SEC14L5: variants seen among roughly 807,000 people sequenced by gnomAD.
The protein encoded by SEC14L5 is SEC14-like protein 5.
A neutral mutation model predicts 84.6 loss-of-function variants in SEC14L5; 96 were observed. That is an observed-to-expected ratio of 1.13 (90% CI 0.96 to 1.34). SEC14L5 has a LOEUF of 1.34. Ranked by LOEUF, SEC14L5 falls within the 40% of genes most tolerant of loss-of-function variation. The probability of loss-of-function intolerance (pLI) is 0.00; values close to 1 mark genes in which losing one functional copy is unlikely to be tolerated. For synonymous variants in SEC14L5, 546 were observed against 383.4 expected (o/e 1.42, Z -4.95); for missense variants, 1,224 against 942.5 (o/e 1.30, Z -3.91).
rs369096615 is a variant in SEC14L5 at position 4,991,633 on chromosome 16, C to G, written c.475-205C>G. ...ACTGATTACTGAGCTATTTTGCATT[C>G]TTTGTTTCGTACCAAGCCTTGGAAA... On this transcript the variant is annotated intron_variant, in intron 5 of 15. Coordinates refer to ENST00000251170, the MANE Select transcript of SEC14L5 (RefSeq NM_014692.2). 2.0e-3 allele frequency among the ~76,000 whole-genome samples: 298 copies of G among 152,236 alleles called. 3 individuals carry two copies. Among genetic ancestry groups the G allele is most frequent in the African/African-American group, 6.6e-3 (275 of 41,534 alleles).
At chr16:5,001,798 G>GCT (rs1189254439) in intron 10 of SEC14L5, among the ~76,000 whole-genome samples, 1 of 151,090 alleles carries the variant, frequency 6.6e-6, no homozygotes, top group African/African-American at 2.4e-5. Flanking sequence ...TTTGAGACAG[G>GCT]CTCTCACTCT....
chr16:4,987,476 C>T, intron 2 of SEC14L5, 81 bp from the exon 3 acceptor site: 1 of 1,233,562 alleles, frequency 8.1e-7, no homozygotes, highest in South Asian at 1.4e-5. Context: ...ATAAGTGACA[C>T]AGCAGATAAG....
intron 6 of SEC14L5, among the ~76,000 whole-genome samples, chr16:4,994,269 A>C (rs1237214556): frequency 6.6e-6 from 1 of 152,288 alleles, no homozygotes; most frequent in East Asian, 1.9e-4. Flanking sequence ...CCTAACTCTG[A>C]CACACTTGGG....
Position 5,015,088 on chromosome 16 carries a change from C to T in SEC14L5, c.*118C>T, listed in dbSNP as rs1364721369. 3 of 764,366 alleles carry T rather than the reference C, an allele frequency of 3.9e-6. No individual in the cohort carries two copies. The highest frequency in any genetic ancestry group is 6.3e-6 in the Non-Finnish European group (3 of 473,610). The allele number at this position is 764,366 out of a possible 1,614,324, so 47.3% of individuals were successfully genotyped here. On this transcript the variant is annotated 3_prime_UTR_variant, in exon 16 of 16. Coordinates refer to ENST00000251170, the MANE Select transcript of SEC14L5 (RefSeq NM_014692.2). ...TGGGCTGGAGCCCCAGGCCTAGATG[C>T]TGCCCAAGTTGGGGTGTCTGGAGCG... is the stretch of plus-strand genomic sequence containing the variant.
At chr16:4,984,939 C>G (rs542331023) in intron 2 of SEC14L5, among the ~76,000 whole-genome samples, 1 of 152,112 alleles carries the variant, frequency 6.6e-6, no homozygotes, top group Admixed American at 6.5e-5. Context: ...ATGCAAATCC[C>G]CCATTTTCTA....
At chr16:4,983,923 A>T (rs151331794) in intron 2 of SEC14L5, among the ~76,000 whole-genome samples, 13 of 152,104 alleles carry the variant, frequency 8.5e-5, no homozygotes, top group African/African-American at 3.1e-4. Flanking sequence ...TAAATAGTAT[A>T]TGTATACATG....
chr16:4,999,642 G>A (rs557588183), intron 8 of SEC14L5, among the ~76,000 whole-genome samples: 2 of 150,738 alleles, frequency 1.3e-5, no homozygotes, highest in Non-Finnish European at 3.0e-5. Flanking sequence ...GGCCAGGCAT[G>A]GTGGGCTCAC....
At chr16:4,988,013 G>A (rs1955511727) in intron 3 of SEC14L5, 136 bp from the exon 4 acceptor site, 2 of 944,048 alleles carry the variant, frequency 2.1e-6, no homozygotes, top group African/African-American at 1.6e-5. Flanking sequence ...CTGGGTCCGG[G>A]CTGGGTGGGC....
intron 6 of SEC14L5, among the ~76,000 whole-genome samples, chr16:4,995,948 GA>G (rs762691683): frequency 6.6e-6 from 1 of 152,124 alleles, no homozygotes; most frequent in Non-Finnish European, 1.5e-5. Flanking sequence ...CTAAAGTGGG[GA>G]TAATAGTGAC....
intron 15 of SEC14L5, among the ~76,000 whole-genome samples, 187 bp from the exon 16 acceptor site, chr16:5,014,672 G>A (rs865950777): frequency 8.5e-5 from 13 of 152,250 alleles, no homozygotes; most frequent in Middle Eastern, 3.2e-3. Flanking sequence ...GGCTCCATCT[G>A]GGGAGATGGG....
chr16:5,006,469 G>C (rs1386565235), intron 12 of SEC14L5, among the ~76,000 whole-genome samples: 1 of 152,168 alleles, frequency 6.6e-6, no homozygotes, highest in Non-Finnish European at 1.5e-5. Context: ...CCAACCCACA[G>C]CCACACAGCC....
chr16:5,000,155 G>A (rs1955659019), intron 8 of SEC14L5, among the ~76,000 whole-genome samples: 1 of 151,930 alleles, frequency 6.6e-6, no homozygotes, highest in Non-Finnish European at 1.5e-5. Flanking sequence ...GCCGGGTGCG[G>A]TGGTGGGCGC....
Position 4,996,999 on chromosome 16 carries a change from C to T in SEC14L5, c.925C>T (p.Leu309=), listed in dbSNP as rs1217983758. Residue 309 remains leucine, a synonymous_variant, in exon 8 of 16, where the codon CTG becomes TTG. Coordinates refer to ENST00000251170, the MANE Select transcript of SEC14L5 (RefSeq NM_014692.2). ...CCTTCAGACCTGGCAACCCCCTGCC[C>T]TGCTGGAGGAGTTCTATGCAGGGGG... ...LLLQTWQPPA[L]LEEFYAGGWH... 1.9e-6 allele frequency: 3 copies of T among 1,613,294 alleles called. No homozygotes were observed. The highest frequency in any genetic ancestry group is 3.3e-5 in the Admixed American group (2 of 59,928).
intron 8 of SEC14L5, 51 bp downstream of exon 8, chr16:4,997,095 A>G (rs145265360): frequency 1.5e-6 from 2 of 1,334,358 alleles, no homozygotes; most frequent in African/African-American, 1.5e-5. Context: ...GTCACTGCCA[A>G]ATGCACTTTA....
At chr16:4,961,230 G>A (rs1377949117) in intron 2 of SEC14L5, among the ~76,000 whole-genome samples, 3 of 152,138 alleles carry the variant, frequency 2.0e-5, no homozygotes, top group Admixed American at 6.5e-5. Flanking sequence ...CCGAGATTGC[G>A]CCGCAACACT....
Position 5,013,550 on chromosome 16 carries a change from C to CTTTTT in SEC14L5, c.1980-1288_1980-1284dup, listed in dbSNP as rs869041446. The stretch of plus-strand genomic sequence containing the variant: ...TATAGGCATGGGCTAGCTTGCCTGG[C>CTTTTT]TTTTTTTTTTTTTTTTTTTTTTTTT... On this transcript the variant is annotated intron_variant, in intron 15 of 15. Coordinates refer to ENST00000251170, the MANE Select transcript of SEC14L5 (RefSeq NM_014692.2). 8.0e-3 allele frequency among the ~76,000 whole-genome samples: 359 copies of CTTTTT among 44,970 alleles called. 35 individuals carry two copies. Among genetic ancestry groups the CTTTTT allele is most frequent in the East Asian group, 0.034 (47 of 1,396 alleles). The allele number at this position is 44,970 out of a possible 152,430, so 29.5% of individuals were successfully genotyped here.
chr16:4,980,157 G>T (rs1364806243), intron 2 of SEC14L5, among the ~76,000 whole-genome samples: 1 of 152,174 alleles, frequency 6.6e-6, no homozygotes, highest in African/African-American at 2.4e-5. Flanking sequence ...TCTCACCAGG[G>T]CATTGTAAGG....
At position 4,988,241 on chromosome 16, in the gene SEC14L5, C is replaced by A. The variant is rs959504027; in HGVS notation, c.306C>A (p.Phe102Leu). The change falls in exon 4 of 16, where the codon TTC (phenylalanine) becomes TTA (leucine). Residue 102 changes from phenylalanine to leucine, a missense_variant. Phe to Leu is a conservative substitution (Grantham distance 22). Coordinates refer to ENST00000251170, the MANE Select transcript of SEC14L5 (RefSeq NM_014692.2). The part of the protein sequence containing the change: ...TLLIEAHNET[F>L]ANRVVVNEHC... ...TCATCGAAGCGCACAATGAGACCTT[C>A]GCCAACCGCGTGGTGGTGAACGAGC... 3.7e-6 allele frequency: 6 copies of A among 1,613,596 alleles called. No individual in the cohort carries two copies. The East Asian group carries it at 6.7e-5, about 18-fold the overall frequency.
rs952614643 is a variant in SEC14L5 at position 5,017,003 on chromosome 16, C to G, written c.*2033C>G. ...GGCATTTATTGCTGAGAGCAACTTG[C>G]AATATTTTCAACTATCTTTAAGTGA... On this transcript the variant is annotated 3_prime_UTR_variant, in exon 16 of 16. Coordinates refer to ENST00000251170, the MANE Select transcript of SEC14L5 (RefSeq NM_014692.2). 6.6e-6 allele frequency: 1 copy of G among 152,208 alleles called. No individual in the cohort carries two copies. The highest frequency in any genetic ancestry group is 1.5e-5 in the Non-Finnish European group (1 of 68,040). 9.4% of individuals were successfully genotyped at this position (152,208 alleles called of 1,614,324 possible).
Sources: allele counts gnomAD v4.1 joint callset (sites outside exome capture counted in the v4.1 genomes callset), GRCh38; gene constraint gnomAD v4.1.1; transcripts MANE v1.5; gene names NCBI Gene and HGNC (gene_info 2026-07-23, HGNC 2026-07-21).